SLC4A5: variants seen among roughly 807,000 people sequenced by gnomAD.
SLC4A5 encodes the protein solute carrier family 4 member 5.
Under a neutral mutation model 120.4 loss-of-function variants are expected in SLC4A5, and 96 were observed. The observed-to-expected ratio is 0.80, with a 90% CI of 0.68 to 0.94. The LOEUF is 0.94. SLC4A5 is among the 40% of genes least tolerant of loss of function. The pLI, the probability that SLC4A5 is intolerant of heterozygous loss-of-function variation, is 0.00. For missense variants in SLC4A5, 1,259 were observed against 1,459.5 expected (o/e 0.86, Z 2.24); for synonymous variants, 550 against 571.1 (o/e 0.96, Z 0.53).
intron 4 of SLC4A5, among the ~76,000 whole-genome samples, chr2:74,329,276 A>G (rs1482462274): frequency 7.2e-6 from 1 of 138,222 alleles, no homozygotes; most frequent in Non-Finnish European, 1.6e-5. Context: ...GTGTAGATGG[A>G]GGTAATGAAA....
intron 22 of SLC4A5, 53 bp from the exon 23 acceptor site, chr2:74,233,616 C>T (rs1670172440): frequency 2.0e-6 from 3 of 1,528,680 alleles, no homozygotes; most frequent in Admixed American, 4.2e-5. Flanking sequence ...TGTCCCAGGG[C>T]ACTTGTCGCC....
rs1381633737 is a variant in SLC4A5, at chr2:74,231,314, A to G, written c.2775-6T>C. The G allele has an allele frequency of 1.2e-6, 2 of 1,609,862 alleles. No homozygotes were observed. Among genetic ancestry groups the G allele is most frequent in the South Asian group, 2.2e-5 (2 of 89,724 alleles). On this transcript the variant is annotated splice_region_variant and splice_polypyrimidine_tract_variant and intron_variant, in intron 24 of 30. Transcript: ENST00000394019. ...TGCCGGTTACTCTCTGTTCCCTGGC[A>G]GAGAAGAACACATGGTCAGGGTGTA...
At chr2:74,260,652 T>C (rs1393917300) in intron 11 of SLC4A5, among the ~76,000 whole-genome samples, 1 of 152,108 alleles carries the variant, frequency 6.6e-6, no homozygotes, top group Non-Finnish European at 1.5e-5. Context: ...GCCCTCCCTC[T>C]TCCTCACCTC....
chr2:74,266,964 T>A (rs1291583795), intron 8 of SLC4A5, among the ~76,000 whole-genome samples: 1 of 152,196 alleles, frequency 6.6e-6, no homozygotes. Context: ...ATAACAATGC[T>A]CCTTTGAATT....
intron 10 of SLC4A5, 86 bp downstream of exon 10, chr2:74,264,061 C>T: frequency 6.7e-7 from 1 of 1,491,766 alleles, no homozygotes; most frequent in Admixed American, 2.3e-5. Flanking sequence ...CAGAAACTCC[C>T]AGCCCCTAAG....
intron 8 of SLC4A5, among the ~76,000 whole-genome samples, chr2:74,271,261 T>C (rs1454395694): frequency 6.6e-6 from 1 of 152,210 alleles, no homozygotes; most frequent in African/African-American, 2.4e-5. Flanking sequence ...CCAGTTATTC[T>C]GCTTATTTCT....
intron 26 of SLC4A5, chr2:74,227,466 C>A: frequency 6.3e-7 from 1 of 1,579,766 alleles, no homozygotes; most frequent in Non-Finnish European, 8.6e-7. Flanking sequence ...AAAATGTTTT[C>A]TTCTGCATAG....
chr2:74,220,013 C>T (rs966912830), intron 30 of SLC4A5, among the ~76,000 whole-genome samples: 10 of 152,218 alleles, frequency 6.6e-5, no homozygotes, highest in African/African-American at 2.4e-4. Context: ...CCAAAAATCT[C>T]TTGGATGAGT....
chr2:74,254,816 CAT>C lies in SLC4A5; in HGVS notation c.1026-112_1026-111del. Reference sequence around the variant, plus strand: ...GAATTCTCTGGCCCTGAACAGTATGCATTTTTTTTTTTTTTTTGAGACAGGGT... The same window carrying C: ...GAATTCTCTGGCCCTGAACAGTATGCTTTTTTTTTTTTTTTGAGACAGGGT... On this transcript the variant is annotated intron_variant, in intron 13 of 30. Transcript: ENST00000394019. The C allele has an allele frequency of 1.5e-5, 11 of 733,102 alleles. No homozygotes were observed. In the South Asian group the frequency reaches 1.7e-4, roughly 12 times the overall value. 45.4% of individuals were successfully genotyped at this position (733,102 alleles called of 1,614,324 possible). A position where few individuals can be genotyped will look rare whatever the true frequency, so the allele number is the denominator to read the frequency against.
At chr2:74,219,589 C>G (rs190048952) in intron 30 of SLC4A5, among the ~76,000 whole-genome samples, 40 of 152,274 alleles carry the variant, frequency 2.6e-4, no homozygotes, top group African/African-American at 9.4e-4. Context: ...GATACCATCT[C>G]CAGTTACCAA....
At chr2:74,328,561 T>C (rs1673274985) in intron 4 of SLC4A5, among the ~76,000 whole-genome samples, 1 of 152,218 alleles carries the variant, frequency 6.6e-6, no homozygotes, top group Non-Finnish European at 1.5e-5. Context: ...GGAAGAGAAC[T>C]TGAAGAATCC....
intron 8 of SLC4A5, among the ~76,000 whole-genome samples, chr2:74,274,456 A>G (rs1671577428): frequency 6.6e-6 from 1 of 152,264 alleles, no homozygotes. Context: ...CATACCATGT[A>G]TATGTTAATA....
chr2:74,256,866 A>G (rs1407383546), intron 12 of SLC4A5, among the ~76,000 whole-genome samples: 4 of 152,176 alleles, frequency 2.6e-5, no homozygotes, highest in Non-Finnish European at 5.9e-5. Flanking sequence ...CAGTTGGGGT[A>G]GCGGCAGGAC....
chr2:74,275,386 G>A (rs1166319129), intron 8 of SLC4A5, among the ~76,000 whole-genome samples: 1 of 152,192 alleles, frequency 6.6e-6, no homozygotes, highest in Non-Finnish European at 1.5e-5. Flanking sequence ...GAGGCTTCTG[G>A]AACCAAAACC....
chr2:74,241,613 G>A (rs1187497611), intron 20 of SLC4A5, among the ~76,000 whole-genome samples: 4 of 151,554 alleles, frequency 2.6e-5, no homozygotes, highest in African/African-American at 4.9e-5. Flanking sequence ...GTGATGGTGC[G>A]TGCCTGTAAT....
At chr2:74,269,378 T>TTTTGTTTGTTTG (rs60475335) in intron 8 of SLC4A5, among the ~76,000 whole-genome samples, 26 of 150,860 alleles carry the variant, frequency 1.7e-4, no homozygotes, top group Non-Finnish European at 2.7e-4. Context: ...GCTGTTTGTT[T>TTTTGTTTGTTTG]TTTGTTTGTT....
rs534699163 is a variant in SLC4A5, at chr2:74,270,251, T to C, written c.402-4987A>G. Among the ~76,000 whole-genome samples the C allele has an allele frequency of 3.5e-4, 53 of 152,354 alleles. 1 individual carries two copies. In the South Asian group the frequency reaches 8.1e-3, roughly 23 times the overall value. On this transcript the variant is annotated intron_variant, in intron 8 of 30. Coordinates refer to ENST00000394019, the Ensembl canonical transcript of SLC4A5. ...CTGGAACTTAATTTTGTGTTTTCAA[T>C]GGCTACAGCTAGAAATTTAGCTCAC... is the stretch of plus-strand genomic sequence containing the variant.
At chr2:74,260,967 T>C (rs1671115969) in intron 11 of SLC4A5, among the ~76,000 whole-genome samples, 1 of 152,080 alleles carries the variant, frequency 6.6e-6, no homozygotes. Flanking sequence ...TTCTCTTCCA[T>C]CCCCCAACCT....
intron 21 of SLC4A5, among the ~76,000 whole-genome samples, chr2:74,238,668 AAC>A (rs902394002): frequency 6.6e-5 from 10 of 152,354 alleles, no homozygotes; most frequent in African/African-American, 2.2e-4. Context: ...ATCACAAAGA[AAC>A]ACTGTCTCAC....
Sources: gnomAD v4.1 joint callset for allele counts (sites outside exome capture counted in the v4.1 genomes callset) on GRCh38, gnomAD v4.1.1 for gene constraint, MANE v1.5 for transcripts, NCBI Gene and HGNC (gene_info 2026-07-23, HGNC 2026-07-21) for gene names.